NFYC: variants seen among roughly 807,000 people sequenced by gnomAD.
NFYC encodes the protein nuclear transcription factor Y subunit gamma.
In NFYC, 25 loss-of-function variants were observed where a neutral mutation model predicts 53.1. That is an observed-to-expected ratio of 0.47 (90% CI 0.34 to 0.66). The LOEUF is 0.66. NFYC is among the 30% of genes least tolerant of loss of function. NFYC has a pLI of 0.01. For missense variants in NFYC, 260 were observed against 422.7 expected (o/e 0.62, Z 3.38); for synonymous variants, 145 against 152.6 (o/e 0.95, Z 0.37).
intron 1 of NFYC, among the ~76,000 whole-genome samples, chr1:40,702,178 T>C (rs1308361088): frequency 6.6e-6 from 1 of 152,214 alleles, no homozygotes; most frequent in Non-Finnish European, 1.5e-5. Flanking sequence ...AAAAAACAAA[T>C]AATTCAGAAT....
At chr1:40,714,766 A>G (rs1264063950) in intron 1 of NFYC, among the ~76,000 whole-genome samples, 1 of 152,090 alleles carries the variant, frequency 6.6e-6, no homozygotes, top group African/African-American at 2.4e-5. Context: ...GATGCACGCT[A>G]CTAGGCCTGG....
chr1:40,705,071 C>A (rs1421640706), intron 1 of NFYC, among the ~76,000 whole-genome samples: 1 of 152,164 alleles, frequency 6.6e-6, no homozygotes, highest in Admixed American at 6.5e-5. Flanking sequence ...ACATATATTA[C>A]CTTGTTTAAT....
intron 1 of NFYC, among the ~76,000 whole-genome samples, chr1:40,738,624 A>C (rs539272995): frequency 7.9e-5 from 12 of 152,346 alleles, no homozygotes. Context: ...AGTAGTCTCT[A>C]TGGTATAAGC....
At chr1:40,707,417 T>A (rs1207673111) in intron 1 of NFYC, among the ~76,000 whole-genome samples, 1 of 147,024 alleles carries the variant, frequency 6.8e-6, no homozygotes. Flanking sequence ...GAGGTGGAGG[T>A]TGCAGTGAGT....
chr1:40,760,885 A>T (rs1165208757), intron 6 of NFYC, among the ~76,000 whole-genome samples: 1 of 152,190 alleles, frequency 6.6e-6, no homozygotes, highest in African/African-American at 2.4e-5. Context: ...CGACTGTATC[A>T]TGATGCCTAA....
chr1:40,741,681 C>T (rs1315704317), intron 2 of NFYC, among the ~76,000 whole-genome samples: 1 of 150,456 alleles, frequency 6.6e-6, no homozygotes, highest in African/African-American at 2.5e-5. Flanking sequence ...TGGCTCACTG[C>T]AGCCTCGACC....
chr1:40,769,877 G>A (rs950574671), intron 9 of NFYC, among the ~76,000 whole-genome samples: 26 of 152,304 alleles, frequency 1.7e-4, no homozygotes, highest in Admixed American at 1.4e-3. Context: ...CAGTCCATGC[G>A]AGGAGAGAAT....
chr1:40,752,456 T>C (rs1378357472), intron 4 of NFYC, among the ~76,000 whole-genome samples: 19 of 152,146 alleles, frequency 1.2e-4, no homozygotes, highest in Admixed American at 1.2e-3. Context: ...GTATCACACT[T>C]GGAGAGAAAC....
intron 1 of NFYC, among the ~76,000 whole-genome samples, chr1:40,701,849 GA>G (rs1342105147): frequency 6.6e-6 from 1 of 152,208 alleles, no homozygotes; most frequent in Non-Finnish European, 1.5e-5. Flanking sequence ...TTTAGTGCAG[GA>G]AACTGGCCTC....
rs536724596 is a variant in NFYC, at chr1:40,722,676, C to T, written c.-8-16160C>T. ...GTGTTTTACCATTTGTGTGTTTCAG[C>T]TGCTCTGTGGGATGTTGCTTTAGAT... On this transcript the variant is annotated intron_variant, in intron 1 of 9. Transcript: ENST00000447388. Among the ~76,000 whole-genome samples, 10 of 152,206 alleles carry T rather than the reference C, an allele frequency of 6.6e-5. No individual in the cohort carries two copies. In the South Asian group the frequency reaches 8.3e-4, roughly 13 times the overall value.
chr1:40,769,199 T>C, intron 8 of NFYC, 157 bp from the exon 9 acceptor site: 1 of 704,868 alleles, frequency 1.4e-6, no homozygotes, highest in Non-Finnish European at 2.6e-6. Flanking sequence ...CAGTGCTAGA[T>C]TAGGAGGGGT....
At chr1:40,696,701 C>T (rs1643165804) in intron 1 of NFYC, among the ~76,000 whole-genome samples, 1 of 152,202 alleles carries the variant, frequency 6.6e-6, no homozygotes, top group African/African-American at 2.4e-5. Flanking sequence ...CACAAATGAC[C>T]TTCTTAAGGT....
intron 1 of NFYC, among the ~76,000 whole-genome samples, chr1:40,698,136 G>T (rs1056586601): frequency 6.6e-6 from 1 of 152,168 alleles, no homozygotes; most frequent in South Asian, 2.1e-4. Context: ...GACGAGGCTG[G>T]CAGATCACCT....
chr1:40,749,658 CAG>C lies in NFYC; in HGVS notation c.265_266del (p.Glu89ArgfsTer2). On this transcript the variant is annotated frameshift_variant, in exon 4 of 10. Coordinates refer to ENST00000447388, the MANE Select transcript of NFYC (RefSeq NM_014223.5). LOFTEE classifies it high-confidence loss of function. Reference sequence around the variant, plus strand: ...TTGACTCTTCGAGCCTGGATTCACACAGAAGATAACAAGCGCCGGACTCTACA... The same window carrying C: ...TTGACTCTTCGAGCCTGGATTCACACAAGATAACAAGCGCCGGACTCTACA... The C allele has an allele frequency of 6.2e-7, 1 of 1,614,136 alleles. No individual in the cohort carries two copies. The highest frequency in any genetic ancestry group is 8.5e-7 in the Non-Finnish European group (1 of 1,179,986).
intron 1 of NFYC, among the ~76,000 whole-genome samples, chr1:40,699,754 A>T (rs758278091): frequency 6.6e-6 from 1 of 152,196 alleles, no homozygotes; most frequent in African/African-American, 2.4e-5. Flanking sequence ...AAAATTTGTA[A>T]GTTGGTTTAG....
At chr1:40,758,068 C>A in intron 5 of NFYC, 53 bp from the exon 6 acceptor site, 1 of 1,594,072 alleles carries the variant, frequency 6.3e-7, no homozygotes, top group African/African-American at 1.3e-5. Context: ...TTCACTGTGG[C>A]GGCTGCTGAG....
chr1:40,709,738 C>G (rs1459731423), intron 1 of NFYC: 1 of 152,122 alleles, frequency 6.6e-6, no homozygotes, highest in Non-Finnish European at 1.5e-5. Flanking sequence ...TTTGGTGCAC[C>G]TAGAATACCT....
intron 1 of NFYC, among the ~76,000 whole-genome samples, chr1:40,695,348 C>T (rs1005420068): frequency 1.3e-5 from 2 of 152,210 alleles, no homozygotes; most frequent in Non-Finnish European, 2.9e-5. Context: ...AGGATTCATA[C>T]CACAGAATTG....
At chr1:40,749,992 C>T (rs1645822816) in intron 4 of NFYC, among the ~76,000 whole-genome samples, 1 of 152,160 alleles carries the variant, frequency 6.6e-6, no homozygotes, top group Non-Finnish European at 1.5e-5. Context: ...TCACTATAAA[C>T]AGAGGCTCAA....
Sources: allele counts gnomAD v4.1 joint callset (sites outside exome capture counted in the v4.1 genomes callset), GRCh38; gene constraint gnomAD v4.1.1; transcripts MANE v1.5; gene names NCBI Gene and HGNC (gene_info 2026-07-23, HGNC 2026-07-21).